The following MAML2 variants were observed in gnomAD, a reference collection of about 807,000 sequenced individuals.
MAML2 encodes the protein mastermind like transcriptional coactivator 2, also known as mastermind-like protein 2.
A neutral mutation model predicts 96.1 loss-of-function variants in MAML2; 22 were observed. The observed-to-expected ratio is 0.23, with a 90% CI of 0.16 to 0.33. The LOEUF is 0.33. Ranked by LOEUF, MAML2 falls within the 10% of genes least tolerant of loss-of-function variation. The probability of loss-of-function intolerance (pLI) is 1.00; values close to 1 mark genes in which losing one functional copy is unlikely to be tolerated. For missense variants in MAML2, 1,367 were observed against 1,392.4 expected (o/e 0.98, Z 0.29); for synonymous variants, 561 against 521.3 (o/e 1.08, Z -1.04).
intron 2 of MAML2, among the ~76,000 whole-genome samples, chr11:96,089,057 GA>G (rs34116311): frequency 1.7e-4 from 26 of 150,226 alleles, no homozygotes; most frequent in East Asian, 9.8e-4. Flanking sequence ...ATGACAAGCA[GA>G]AAAAAAAAAT....
chr11:96,122,616 C>T (rs1221613617), intron 1 of MAML2, among the ~76,000 whole-genome samples: 1 of 152,034 alleles, frequency 6.6e-6, no homozygotes, highest in Non-Finnish European at 1.5e-5. Context: ...ATCTCCAAGG[C>T]TGCAGTAAAC....
intron 1 of MAML2, among the ~76,000 whole-genome samples, chr11:96,189,891 A>G (rs12802837): frequency 0.082 from 12,532 of 152,260 alleles, 575 homozygotes; most frequent in Non-Finnish European, 0.1. Flanking sequence ...GAAGAGGACT[A>G]AAAGAATTTT....
intron 2 of MAML2, among the ~76,000 whole-genome samples, chr11:96,043,713 G>T (rs937036112): frequency 3.3e-5 from 5 of 152,182 alleles, no homozygotes; most frequent in African/African-American, 1.2e-4. Flanking sequence ...TATTTTTTGG[G>T]CAGGCAATTA....
intron 2 of MAML2, among the ~76,000 whole-genome samples, chr11:96,039,771 C>A (rs1858777823): frequency 6.6e-6 from 1 of 151,896 alleles, no homozygotes; most frequent in South Asian, 2.1e-4. Context: ...ATGGTGAAAC[C>A]CTAACACGGT....
intron 2 of MAML2, among the ~76,000 whole-genome samples, chr11:96,072,672 C>T (rs1859365343): frequency 2.0e-5 from 3 of 152,114 alleles, no homozygotes; most frequent in Admixed American, 2.0e-4. Context: ...AAGGAGAAGG[C>T]CACTTACTGA....
intron 1 of MAML2, among the ~76,000 whole-genome samples, chr11:96,236,693 ATATTAACATATAACATTGT>A (rs1862371253): frequency 6.6e-6 from 1 of 152,192 alleles, no homozygotes; most frequent in Non-Finnish European, 1.5e-5. Flanking sequence ...AAGAGAATAT[ATATTAACATATAACATTGT>A]TATATGTCAT....
intron 1 of MAML2, among the ~76,000 whole-genome samples, chr11:96,124,681 G>A (rs1031867448): frequency 3.9e-5 from 6 of 151,974 alleles, no homozygotes; most frequent in African/African-American, 1.5e-4. Context: ...TTAAACACAC[G>A]CGTGTGTGTG....
At position 96,046,819 on chromosome 11, in the gene MAML2, C is replaced by T. The variant is rs560472693; in HGVS notation, c.2139+45073G>A. Among the ~76,000 whole-genome samples, 20 of 152,274 alleles carry T rather than the reference C, an allele frequency of 1.3e-4. No individual in the cohort carries two copies. The South Asian group carries it at 3.9e-3, about 30-fold the overall frequency. On this transcript the variant is annotated intron_variant, in intron 2 of 4. Transcript: ENST00000524717. ...GTGGAGAAATGGAATCTAGGTATCACCTCCAAAACCTGTGCCCTCCAGATC... is the reference window on the plus strand; with the variant it reads ...GTGGAGAAATGGAATCTAGGTATCATCTCCAAAACCTGTGCCCTCCAGATC...
intron 1 of MAML2, among the ~76,000 whole-genome samples, chr11:96,289,280 A>G (rs1043221320): frequency 6.6e-6 from 1 of 152,212 alleles, no homozygotes; most frequent in Non-Finnish European, 1.5e-5. Context: ...TTAACTCTTC[A>G]GTCTATATAG....
chr11:96,161,792 T>G (rs766658011), intron 1 of MAML2, among the ~76,000 whole-genome samples: 5 of 152,182 alleles, frequency 3.3e-5, no homozygotes, highest in Non-Finnish European at 5.9e-5. Flanking sequence ...TCCAGATATA[T>G]CTCCCAGTTT....
At chr11:96,007,234 A>T (rs563290663) in intron 2 of MAML2, among the ~76,000 whole-genome samples, 1 of 147,116 alleles carries the variant, frequency 6.8e-6, no homozygotes, top group African/African-American at 2.5e-5. Context: ...GATGGTCTTG[A>T]TCTCCCGACC....
At chr11:96,033,709 GGTC>G (rs1223405401) in intron 2 of MAML2, among the ~76,000 whole-genome samples, 1 of 152,118 alleles carries the variant, frequency 6.6e-6, no homozygotes, top group East Asian at 1.9e-4. Flanking sequence ...GTGTACCCTG[GGTC>G]GCGTCTGGGA....
chr11:96,191,411 G>A (rs1861651112), intron 1 of MAML2, among the ~76,000 whole-genome samples: 1 of 151,080 alleles, frequency 6.6e-6, no homozygotes, highest in South Asian at 2.1e-4. Flanking sequence ...TTGCAAGTGA[G>A]CCGAGACCAC....
intron 2 of MAML2, among the ~76,000 whole-genome samples, chr11:96,025,378 A>G (rs1256936999): frequency 6.6e-6 from 1 of 152,152 alleles, no homozygotes; most frequent in Admixed American, 6.5e-5. Flanking sequence ...GATGGGAACG[A>G]CAGGTACTGG....
chr11:96,249,220 C>T (rs1236867705), intron 1 of MAML2, among the ~76,000 whole-genome samples: 1 of 151,902 alleles, frequency 6.6e-6, no homozygotes, highest in Non-Finnish European at 1.5e-5. Context: ...ATGTTCTCTC[C>T]CTCACTTCTC....
At chr11:96,238,644 T>C (rs866176698) in intron 1 of MAML2, among the ~76,000 whole-genome samples, 1 of 152,216 alleles carries the variant, frequency 6.6e-6, no homozygotes, top group Non-Finnish European at 1.5e-5. Flanking sequence ...TTTATTGATA[T>C]GATATGTAGA....
chr11:96,002,770 T>G (rs1591085395), intron 2 of MAML2, among the ~76,000 whole-genome samples: 2 of 145,406 alleles, frequency 1.4e-5, no homozygotes, highest in South Asian at 2.2e-4. Flanking sequence ...ATGATGAGGA[T>G]GATGAGGATG....
At chr11:96,237,359 G>T (rs1461502562) in intron 1 of MAML2, among the ~76,000 whole-genome samples, 1 of 152,156 alleles carries the variant, frequency 6.6e-6, no homozygotes, top group Non-Finnish European at 1.5e-5. Flanking sequence ...AGCCCATGTT[G>T]ATCTCTACCT....
intron 2 of MAML2, among the ~76,000 whole-genome samples, chr11:96,060,111 AG>A (rs1323809781): frequency 6.6e-6 from 1 of 152,214 alleles, no homozygotes; most frequent in Non-Finnish European, 1.5e-5. Flanking sequence ...TGAAGGAATA[AG>A]AGCTTCATGT....
Sources: allele counts gnomAD v4.1 joint callset (sites outside exome capture counted in the v4.1 genomes callset), GRCh38; gene constraint gnomAD v4.1.1; transcripts MANE v1.5; gene names NCBI Gene and HGNC (gene_info 2026-07-23, HGNC 2026-07-21).